NAA15: variants seen among roughly 807,000 people sequenced by gnomAD.
NAA15 encodes N-alpha-acetyltransferase 15, NatA auxiliary subunit.
In NAA15, 34 loss-of-function variants were observed where a neutral mutation model predicts 114.0. That is an observed-to-expected ratio of 0.30 (90% CI 0.23 to 0.40). The LOEUF (loss-of-function observed/expected upper bound fraction) is 0.40, where lower values mean the gene tolerates loss of function less well. NAA15 is among the 10% of genes least tolerant of loss of function. The pLI is 1.00. For synonymous variants in NAA15, 340 were observed against 338.0 expected (o/e 1.01, Z -0.06); for missense variants, 658 against 1,004.5 (o/e 0.66, Z 4.66).
intron 14 of NAA15, 51 bp from the exon 15 acceptor site, chr4:139,370,160 T>C (rs1218673393): frequency 7.6e-7 from 1 of 1,322,736 alleles, no homozygotes; most frequent in Admixed American, 3.0e-5. Flanking sequence ...TTAAAATTAC[T>C]AATCTGATTA....
chr4:139,322,138 C>A (rs1258608182), intron 1 of NAA15, among the ~76,000 whole-genome samples: 2 of 152,100 alleles, frequency 1.3e-5, no homozygotes, highest in Non-Finnish European at 1.5e-5. Context: ...TTGGCTGTGT[C>A]CCCACCCAAA....
chr4:139,331,087 T>C (rs138089132), intron 1 of NAA15, among the ~76,000 whole-genome samples: 53 of 152,296 alleles, frequency 3.5e-4, no homozygotes, highest in African/African-American at 1.3e-3. Context: ...GAGCACTTTT[T>C]TTTTCTGTAA....
chr4:139,315,100 T>C (rs1746365990), intron 1 of NAA15, among the ~76,000 whole-genome samples: 1 of 140,932 alleles, frequency 7.1e-6, no homozygotes. Context: ...TCTCGCTCTT[T>C]CACCCAGGCT....
chr4:139,309,426 AGTGTGTGTGTGTGTGTGT>A (rs70943412), intron 1 of NAA15, among the ~76,000 whole-genome samples: 34 of 143,660 alleles, frequency 2.4e-4, no homozygotes, highest in Admixed American at 7.0e-4. Flanking sequence ...TTGCTTTTTA[AGTGTGTGTGTGTGTGTGT>A]GTGTGTGTGT....
At chr4:139,304,068 C>T (rs997776950) in intron 1 of NAA15, among the ~76,000 whole-genome samples, 10 of 152,190 alleles carry the variant, frequency 6.6e-5, no homozygotes, top group African/African-American at 2.4e-4. Context: ...CAGGTGCCCG[C>T]CACCACGCCT....
intron 14 of NAA15, among the ~76,000 whole-genome samples, chr4:139,363,434 G>A (rs1366986832): frequency 6.6e-6 from 1 of 152,020 alleles, no homozygotes; most frequent in Non-Finnish European, 1.5e-5. Context: ...TTTCAGGATG[G>A]TTCTTTGCAG....
At chr4:139,341,178 G>A in intron 4 of NAA15, 109 bp downstream of exon 4, 1 of 817,222 alleles carries the variant, frequency 1.2e-6, no homozygotes. Context: ...TAATTTAATT[G>A]AATTTTTTTT....
At chr4:139,377,744 T>C (rs999331174) in intron 16 of NAA15, among the ~76,000 whole-genome samples, 1 of 152,172 alleles carries the variant, frequency 6.6e-6, no homozygotes, top group African/African-American at 2.4e-5. Flanking sequence ...ATTAAAATAA[T>C]TTACTGTATT....
At chr4:139,371,151 T>C (rs180853029) in intron 15 of NAA15, among the ~76,000 whole-genome samples, 1 of 152,370 alleles carries the variant, frequency 6.6e-6, no homozygotes, top group Admixed American at 6.5e-5. Context: ...ACTTTAATTT[T>C]AGCCTCACTA....
intron 6 of NAA15, among the ~76,000 whole-genome samples, chr4:139,347,798 C>T (rs548708752): frequency 3.4e-4 from 52 of 151,064 alleles, no homozygotes; most frequent in Non-Finnish European, 5.2e-4. Context: ...TTTGGGAGGC[C>T]GAGGCGGGTG....
chr4:139,388,105 G>T lies in NAA15; in HGVS notation c.*21G>T. 6.2e-7 allele frequency: 1 copy of T among 1,608,314 alleles called. No homozygotes were observed. The highest frequency in any genetic ancestry group is 8.5e-7 in the Non-Finnish European group (1 of 1,175,574). On this transcript the variant is annotated 3_prime_UTR_variant, in exon 20 of 20. Coordinates refer to ENST00000296543, the MANE Select transcript of NAA15 (RefSeq NM_057175.5). ...TTTGAACATCACTAAACAAGCAAAT[G>T]GAATGACTTTGGACCATATCTAGTA...
At chr4:139,385,727 C>G (rs1748893991) in intron 18 of NAA15, among the ~76,000 whole-genome samples, 1 of 152,178 alleles carries the variant, frequency 6.6e-6, no homozygotes, top group Non-Finnish European at 1.5e-5. Context: ...CTGAATTCAG[C>G]ATTTTGGCTC....
At chr4:139,386,020 TA>T in intron 18 of NAA15, 112 bp from the exon 19 acceptor site, 1 of 540,094 alleles carries the variant, frequency 1.9e-6, no homozygotes. Context: ...ATTCTTCTAA[TA>T]AAGTGCCACA....
intron 1 of NAA15, among the ~76,000 whole-genome samples, chr4:139,324,177 T>G (rs563895668): frequency 1.3e-5 from 2 of 152,228 alleles, no homozygotes; most frequent in Admixed American, 6.5e-5. Context: ...TCCAGCCCAG[T>G]TTGTTTTAAT....
chr4:139,326,605 A>G (rs952903963), intron 1 of NAA15, among the ~76,000 whole-genome samples: 51 of 152,158 alleles, frequency 3.4e-4, no homozygotes, highest in African/African-American at 1.2e-3. Context: ...TAATTCCTCA[A>G]AGTAAATTTT....
chr4:139,308,604 A>G (rs548227112), intron 1 of NAA15, among the ~76,000 whole-genome samples: 5 of 152,226 alleles, frequency 3.3e-5, no homozygotes, highest in Non-Finnish European at 2.9e-5. Context: ...TCATAAGTTT[A>G]TTTATTTTTT....
chr4:139,371,917 T>A (rs1748451526), intron 15 of NAA15, among the ~76,000 whole-genome samples: 3 of 152,052 alleles, frequency 2.0e-5, no homozygotes, highest in Non-Finnish European at 4.4e-5. Context: ...ATTTCTCTTT[T>A]GTTTGTTTGT....
rs781485215 is a variant in NAA15 at position 139,386,085 on chromosome 4, G to C, written c.2303-48G>C. ...TTATATTTAAATAAGTAGAGGATAA[G>C]ATGTTGGTTTTACCTTGAAATAAAT... On this transcript the variant is annotated intron_variant, in intron 18 of 19. Transcript: ENST00000296543. 3.1e-6 allele frequency: 3 copies of C among 956,132 alleles called. No homozygotes were observed. The Admixed American group carries it at 6.4e-5, about 21-fold the overall frequency. 59.2% of individuals were successfully genotyped at this position (956,132 alleles called of 1,614,324 possible). A position where few individuals can be genotyped will look rare whatever the true frequency, so the allele number is the denominator to read the frequency against.
chr4:139,315,441 G>A (rs978342704), intron 1 of NAA15, among the ~76,000 whole-genome samples: 2 of 151,846 alleles, frequency 1.3e-5, no homozygotes, highest in African/African-American at 4.8e-5. Flanking sequence ...TTGCTTGAGC[G>A]TGGCAGGTCC....
Sources: allele counts gnomAD v4.1 joint callset (sites outside exome capture counted in the v4.1 genomes callset), GRCh38; gene constraint gnomAD v4.1.1; transcripts MANE v1.5; gene names NCBI Gene and HGNC (gene_info 2026-07-23, HGNC 2026-07-21).